The following CRTC1 variants were observed in gnomAD, a reference collection of about 807,000 sequenced individuals.
The protein encoded by CRTC1 is CREB regulated transcription coactivator 1, also known as CREB-regulated transcription coactivator 1.
In CRTC1, 18 loss-of-function variants were observed where a neutral mutation model predicts 66.1. The observed-to-expected ratio is 0.27, with a 90% CI of 0.19 to 0.40. CRTC1 has a LOEUF of 0.40. Among genes scored for constraint, CRTC1 ranks in the 10% least tolerant of loss-of-function variants. CRTC1 has a pLI of 1.00. For missense variants in CRTC1, 669 were observed against 887.9 expected, an observed-to-expected ratio of 0.75 and a Z score of 3.13; for synonymous variants, 416 against 398.8, an observed-to-expected ratio of 1.04 and a Z score of -0.51.
chr19:18,763,511 C>A (rs934416027), intron 8 of CRTC1, among the ~76,000 whole-genome samples: 1 of 152,240 alleles, frequency 6.6e-6, no homozygotes, highest in Non-Finnish European at 1.5e-5. Context: ...GTAAGTTGCC[C>A]TGTGATCCTC....
intron 1 of CRTC1, among the ~76,000 whole-genome samples, chr19:18,686,347 G>T (rs1294120200): frequency 6.6e-6 from 1 of 152,178 alleles, no homozygotes; most frequent in Non-Finnish European, 1.5e-5. Context: ...ATCAGTCAAT[G>T]AATTTAGAAA....
chr19:18,720,451 G>A (rs912229858), intron 1 of CRTC1, among the ~76,000 whole-genome samples: 1 of 151,292 alleles, frequency 6.6e-6, no homozygotes, highest in African/African-American at 2.4e-5. Context: ...CCGGGTTCAC[G>A]CCATTCTCCT....
intron 1 of CRTC1, among the ~76,000 whole-genome samples, chr19:18,724,923 C>T (rs190134550): frequency 6.6e-5 from 10 of 152,004 alleles, no homozygotes; most frequent in Non-Finnish European, 1.3e-4. Flanking sequence ...ATCTGCCTCT[C>T]ACCCTCTTGG....
rs756908845 is a variant in CRTC1 at position 18,765,576 on chromosome 19, G to A, written c.1011+48G>A. The A allele has an allele frequency of 2.3e-5, 36 of 1,558,970 alleles. 1 individual carries two copies. Among genetic ancestry groups the A allele is most frequent in the Non-Finnish European group, 2.9e-5 (33 of 1,149,828 alleles). Reference sequence around the variant, plus strand: ...AGGTGGGAGGGGGAAAGGGAAAGGTGGAGGCCTGGCTCTACCTCTTAGAAG... The same window carrying A: ...AGGTGGGAGGGGGAAAGGGAAAGGTAGAGGCCTGGCTCTACCTCTTAGAAG... On this transcript the variant is annotated intron_variant, in intron 9 of 13. Coordinates refer to ENST00000321949, the MANE Select transcript of CRTC1 (RefSeq NM_015321.3).
intron 10 of CRTC1, among the ~76,000 whole-genome samples, chr19:18,769,693 G>A (rs751154550): frequency 3.9e-5 from 6 of 152,094 alleles, no homozygotes; most frequent in Non-Finnish European, 5.9e-5. Context: ...GTGGGGCCTC[G>A]CCTTGGAGCT....
intron 1 of CRTC1, among the ~76,000 whole-genome samples, chr19:18,722,987 C>T (rs2053662060): frequency 6.6e-6 from 1 of 152,106 alleles, no homozygotes; most frequent in Non-Finnish European, 1.5e-5. Flanking sequence ...CTTGCCCAGG[C>T]TGGAGTGCAG....
At chr19:18,775,864 C>T (rs1190668095) in intron 13 of CRTC1, 43 bp downstream of exon 13, 1 of 1,518,584 alleles carries the variant, frequency 6.6e-7, no homozygotes, top group South Asian at 1.3e-5. Flanking sequence ...CCCAAGGGGC[C>T]TCAGCCCGTG....
In CRTC1 at chr19:18,743,046, G is replaced by GCCCTGC; in HGVS notation, c.243+24_243+29dup. 6.3e-7 allele frequency: 1 copy of GCCCTGC among 1,577,440 alleles called. No homozygotes were observed. The highest frequency in any genetic ancestry group is 8.7e-7 in the Non-Finnish European group (1 of 1,148,058). On this transcript the variant is annotated intron_variant, in intron 2 of 13. Coordinates refer to ENST00000321949, the MANE Select transcript of CRTC1 (RefSeq NM_015321.3). ...TTCCAGGTGAGTGCCCCGCCCCCTG[G>GCCCTGC]CCCTGCCCCATTGTGGGGAGCTTCC...
At chr19:18,703,786 T>TG (rs1208303272) in intron 1 of CRTC1, among the ~76,000 whole-genome samples, 1 of 152,030 alleles carries the variant, frequency 6.6e-6, no homozygotes, top group Non-Finnish European at 1.5e-5. Context: ...TTAGTAGAGA[T>TG]GGGGTTTCAC....
At chr19:18,715,127 TGCCTCTG>T (rs2053477151) in intron 1 of CRTC1, among the ~76,000 whole-genome samples, 1 of 152,274 alleles carries the variant, frequency 6.6e-6, no homozygotes, top group Non-Finnish European at 1.5e-5. Flanking sequence ...GGATCCCTCC[TGCCTCTG>T]GGGGCTCCCG....
intron 3 of CRTC1, among the ~76,000 whole-genome samples, 191 bp downstream of exon 3, chr19:18,746,151 C>CCCTGG (rs1272219428): frequency 6.6e-6 from 1 of 152,180 alleles, no homozygotes; most frequent in African/African-American, 2.4e-5. Flanking sequence ...GTGCCACAAG[C>CCCTGG]CCTGGAGCCT....
At chr19:18,754,193 T>C (rs1213774753) in intron 6 of CRTC1, among the ~76,000 whole-genome samples, 1 of 151,838 alleles carries the variant, frequency 6.6e-6, no homozygotes, top group Non-Finnish European at 1.5e-5. Flanking sequence ...TATGGGAAAG[T>C]GAGGCACCAG....
intron 1 of CRTC1, among the ~76,000 whole-genome samples, chr19:18,713,617 T>A (rs1362574697): frequency 1.3e-5 from 2 of 152,228 alleles, no homozygotes; most frequent in African/African-American, 4.8e-5. Flanking sequence ...GGGTCTGTAG[T>A]GTTTCTGTAT....
Position 18,745,919 on chromosome 19 carries a change from C to G in CRTC1, c.340C>G (p.Pro114Ala). 6.2e-7 allele frequency: 1 copy of G among 1,612,874 alleles called. No individual in the cohort carries two copies. Among genetic ancestry groups the G allele is most frequent in the Non-Finnish European group, 8.5e-7 (1 of 1,179,632 alleles). ...CCGGGAGCGTGGCCGGCTCGGCTCC[C>G]CACACCGCCGGCCCCTGTCAGTGGA... The part of the protein sequence containing the change: ...VYRERGRLGS[P>A]HRRPLSVDKH... The change falls in exon 3 of 14, where the codon CCA (proline) becomes GCA (alanine). Residue 114 changes from proline to alanine, a missense_variant. Coordinates refer to ENST00000321949, the MANE Select transcript of CRTC1 (RefSeq NM_015321.3).
intron 1 of CRTC1, among the ~76,000 whole-genome samples, chr19:18,742,350 G>A (rs1447506286): frequency 3.9e-5 from 6 of 152,184 alleles, no homozygotes. Context: ...GGAACATGGG[G>A]CTCAGGACCC....
rs529441675 is a variant in CRTC1 at position 18,770,826 on chromosome 19, CCATGTGGGTGTGGGTGTG to C, written c.1321-593_1321-576del. 3.0e-3 allele frequency among the ~76,000 whole-genome samples: 416 copies of C among 140,196 alleles called. 2 individuals are homozygous for C. The highest frequency in any genetic ancestry group is 8.3e-3 in the South Asian group (36 of 4,360). The allele number at this position is 140,196 out of a possible 152,430, so 92.0% of individuals were successfully genotyped here. On this transcript the variant is annotated intron_variant, in intron 10 of 13. Transcript: ENST00000321949. ...TGGGTGTGTACATGCGTGGGTGTGT[CCATGTGGGTGTGGGTGTG>C]CATGTGGGTGTGGGTGTGCATGCGT...
At chr19:18,751,140 A>G (rs913148639) in intron 5 of CRTC1, among the ~76,000 whole-genome samples, 3 of 152,124 alleles carry the variant, frequency 2.0e-5, no homozygotes, top group East Asian at 3.9e-4. Flanking sequence ...CTGGCTTTCA[A>G]CAAGGAAGGG....
At chr19:18,702,971 G>C (rs1201908362) in intron 1 of CRTC1, among the ~76,000 whole-genome samples, 1 of 151,622 alleles carries the variant, frequency 6.6e-6, no homozygotes, top group Non-Finnish European at 1.5e-5. Flanking sequence ...TTTTGAGATG[G>C]AGTCTCGCTC....
In CRTC1 at chr19:18,777,180, A is replaced by C; in HGVS notation, c.1703A>C (p.Glu568Ala). ...CCACCCCATCCCCCAGTGACAGGAG[A>C]GTCCCCCCCCAGCCTCTCTAAAGAA... is the stretch of plus-strand genomic sequence containing the variant. ...IPNIILTVTG[E>A]SPPSLSKELT... Residue 568 changes from glutamate (E) to alanine (A), a missense_variant, in exon 14 of 14, where the codon GAG becomes GCG. Coordinates refer to ENST00000321949, the MANE Select transcript of CRTC1 (RefSeq NM_015321.3). The surrounding 1 kb of genome is among the most constrained non-coding windows in gnomAD (Gnocchi z 5.5). The C allele has an allele frequency of 1.9e-6, 2 of 1,065,622 alleles. No individual in the cohort carries two copies. The highest frequency in any genetic ancestry group is 1.9e-5 in the Admixed American group (1 of 51,592). 66.0% of individuals were successfully genotyped at this position (1,065,622 alleles called of 1,614,324 possible). A position where few individuals can be genotyped will look rare whatever the true frequency, so the allele number is the denominator to read the frequency against.
Sources: allele counts gnomAD v4.1 joint callset (sites outside exome capture counted in the v4.1 genomes callset), GRCh38; gene constraint gnomAD v4.1.1; non-coding constraint Gnocchi (gnomAD v3.1); transcripts MANE v1.5; gene names NCBI Gene and HGNC (gene_info 2026-07-23, HGNC 2026-07-21).